IGSF21: variants seen among roughly 807,000 people sequenced by gnomAD.
IGSF21 encodes the protein immunoglobulin superfamily member 21.
In IGSF21, 28 loss-of-function variants were observed where a neutral mutation model predicts 46.8. The ratio of observed to expected loss-of-function variants is 0.60; its 90% CI spans 0.44 to 0.82. The LOEUF (loss-of-function observed/expected upper bound fraction) is 0.82. Among genes scored for constraint, IGSF21 ranks in the 40% least tolerant of loss-of-function variants. IGSF21 has a pLI of 0.00. For synonymous variants in IGSF21, 284 were observed against 273.6 expected (o/e 1.04, Z -0.38); for missense variants, 624 against 665.5 (o/e 0.94, Z 0.69).
At chr1:18,146,258 C>G (rs563321324) in intron 1 of IGSF21, among the ~76,000 whole-genome samples, 1 of 152,276 alleles carries the variant, frequency 6.6e-6, no homozygotes, top group African/African-American at 2.4e-5. Context: ...GCCAGAACAC[C>G]GAGTCCAAAG....
chr1:18,260,023 A>G (rs1193197572), intron 2 of IGSF21, among the ~76,000 whole-genome samples: 5 of 152,204 alleles, frequency 3.3e-5, no homozygotes, highest in Admixed American at 2.6e-4. Flanking sequence ...CTCTTCTTGA[A>G]TGGGTATAAA....
chr1:18,358,937 C>T (rs1441705067), intron 4 of IGSF21, among the ~76,000 whole-genome samples: 1 of 152,158 alleles, frequency 6.6e-6, no homozygotes, highest in Non-Finnish European at 1.5e-5. Flanking sequence ...TTGCAGGTAA[C>T]TTACATGTGC....
intron 1 of IGSF21, among the ~76,000 whole-genome samples, chr1:18,129,807 G>A (rs2086302145): frequency 6.6e-6 from 1 of 152,194 alleles, no homozygotes; most frequent in African/African-American, 2.4e-5. Context: ...GTTAAGAGGT[G>A]ATTAGGTCAC....
At chr1:18,371,586 A>G (rs1283721515) in intron 6 of IGSF21, among the ~76,000 whole-genome samples, 3 of 151,524 alleles carry the variant, frequency 2.0e-5, no homozygotes, top group Non-Finnish European at 4.4e-5. Context: ...AAAAAAAAAA[A>G]TGTTGATCAA....
intron 4 of IGSF21, among the ~76,000 whole-genome samples, chr1:18,352,149 G>A (rs576428116): frequency 6.1e-4 from 93 of 152,202 alleles, no homozygotes; most frequent in Non-Finnish European, 1.1e-3. Context: ...GTGCCCCTCT[G>A]CTGAGGCCTG....
chr1:18,204,126 G>C lies in IGSF21; in HGVS notation c.71-23772G>C, dbSNP rs370767106. 2.6e-5 allele frequency among the ~76,000 whole-genome samples: 4 copies of C among 152,302 alleles called. No individual in the cohort carries two copies. The East Asian group carries it at 5.8e-4, about 22-fold the overall frequency. ...AACACCATAATCCTAAAAGCCCTAT[G>C]GGATGGAGGGCTTACTCCCAGGCAC... On this transcript the variant is annotated intron_variant, in intron 1 of 9. Coordinates refer to ENST00000251296, the MANE Select transcript of IGSF21 (RefSeq NM_032880.5).
At chr1:18,162,796 G>A (rs962584728) in intron 1 of IGSF21, among the ~76,000 whole-genome samples, 3 of 152,138 alleles carry the variant, frequency 2.0e-5, no homozygotes, top group Admixed American at 2.0e-4. Context: ...TTTATTAGAG[G>A]GTTTAGCAAG....
intron 4 of IGSF21, among the ~76,000 whole-genome samples, chr1:18,336,874 C>T (rs2085773147): frequency 6.6e-6 from 1 of 152,190 alleles, no homozygotes; most frequent in Non-Finnish European, 1.5e-5. Context: ...AGGTGAAAGA[C>T]ACATCTCACA....
rs1192652906 is a variant in IGSF21 at position 18,364,324 on chromosome 1, T to TG, written c.541-898dup. Among the ~76,000 whole-genome samples, 15 of 152,150 alleles carry TG rather than the reference T, an allele frequency of 9.9e-5. 1 individual carries two copies. In the South Asian group the frequency reaches 2.9e-3, roughly 29 times the overall value. ...GAAAAAAAACCAACGCAGGCTATCATGTGCAGAAGAGATTCTTTGTTGGCA... is the reference window on the plus strand; with the variant it reads ...GAAAAAAAACCAACGCAGGCTATCATGGTGCAGAAGAGATTCTTTGTTGGCA... On this transcript the variant is annotated intron_variant, in intron 5 of 9. Coordinates refer to ENST00000251296, the MANE Select transcript of IGSF21 (RefSeq NM_032880.5).
At chr1:18,159,884 C>A (rs1282286226) in intron 1 of IGSF21, among the ~76,000 whole-genome samples, 1 of 152,140 alleles carries the variant, frequency 6.6e-6, no homozygotes, top group East Asian at 1.9e-4. Context: ...GATTTCATCA[C>A]ATTGGGCAGG....
intron 2 of IGSF21, among the ~76,000 whole-genome samples, chr1:18,282,971 C>A (rs2085177133): frequency 6.6e-6 from 1 of 152,236 alleles, no homozygotes; most frequent in African/African-American, 2.4e-5. Flanking sequence ...CAGATGCACA[C>A]CCATACTCCG....
rs551680579 is a variant in IGSF21 at position 18,279,540 on chromosome 1, C to G, written c.184-12326C>G. Among the ~76,000 whole-genome samples the G allele has an allele frequency of 6.6e-4, 101 of 152,288 alleles. 2 individuals are homozygous for G. In the South Asian group the frequency reaches 0.021, roughly 31 times the overall value. Reference sequence around the variant, plus strand: ...ACTTAGCAATCAGCCATCCCCTGGGCCCCATTTAACAGATGGGGGAGCCAA... The same window carrying G: ...ACTTAGCAATCAGCCATCCCCTGGGGCCCATTTAACAGATGGGGGAGCCAA... On this transcript the variant is annotated intron_variant, in intron 2 of 9. Transcript: ENST00000251296.
At chr1:18,160,540 T>C (rs920589697) in intron 1 of IGSF21, among the ~76,000 whole-genome samples, 2 of 151,320 alleles carry the variant, frequency 1.3e-5, no homozygotes, top group African/African-American at 4.8e-5. Context: ...CTGGGCGAAC[T>C]TGTGTGTTTT....
chr1:18,131,102 G>A (rs2086317583), intron 1 of IGSF21, among the ~76,000 whole-genome samples: 2 of 152,222 alleles, frequency 1.3e-5, no homozygotes, highest in Admixed American at 6.5e-5. Flanking sequence ...GCTCCCCGTG[G>A]ATTGAGAAAA....
At chr1:18,252,886 C>T (rs187257643) in intron 2 of IGSF21, among the ~76,000 whole-genome samples, 1 of 152,286 alleles carries the variant, frequency 6.6e-6, no homozygotes, top group Admixed American at 6.5e-5. Flanking sequence ...CTAATGATGC[C>T]AGCCTCGCCA....
chr1:18,173,351 G>A (rs748574027), intron 1 of IGSF21, among the ~76,000 whole-genome samples: 1 of 152,162 alleles, frequency 6.6e-6, no homozygotes, highest in Admixed American at 6.5e-5. Context: ...CAACAAAAAA[G>A]TCCAATTAGA....
In IGSF21 at chr1:18,322,831, G is replaced by C. The variant is rs1220942696; in HGVS notation, c.306-12061G>C. Reference sequence around the variant, plus strand: ...ATGGCAGCAGCCAGAGTCTGGAAAAGAGGCCTGGAGAGGAAGCCGGTGGAG... The same window carrying C: ...ATGGCAGCAGCCAGAGTCTGGAAAACAGGCCTGGAGAGGAAGCCGGTGGAG... On this transcript the variant is annotated intron_variant, in intron 3 of 9. Transcript: ENST00000251296. The surrounding 1 kb of genome is among the most constrained non-coding windows in gnomAD (Gnocchi z 4.3). 6.6e-6 allele frequency among the ~76,000 whole-genome samples: 1 copy of C among 152,192 alleles called. No individual in the cohort carries two copies. Among genetic ancestry groups the C allele is most frequent in the Non-Finnish European group, 1.5e-5 (1 of 68,032 alleles).
At chr1:18,117,567 G>A (rs76252602) in intron 1 of IGSF21, among the ~76,000 whole-genome samples, 2,672 of 152,298 alleles carry the variant, frequency 0.018, 36 homozygotes, top group East Asian at 0.072. Flanking sequence ...GCTGGGAAGC[G>A]TGAATGGATA....
intron 1 of IGSF21, among the ~76,000 whole-genome samples, chr1:18,169,766 G>C (rs757032690): frequency 3.3e-5 from 5 of 152,182 alleles, no homozygotes; most frequent in Admixed American, 6.5e-5. Flanking sequence ...TCCTGGGGGT[G>C]CGGGGAAGGA....
Sources: gnomAD v4.1 joint callset for allele counts (sites outside exome capture counted in the v4.1 genomes callset) on GRCh38, gnomAD v4.1.1 for gene constraint, Gnocchi (gnomAD v3.1) non-coding constraint, MANE v1.5 for transcripts, NCBI Gene and HGNC (gene_info 2026-07-23, HGNC 2026-07-21) for gene names.